The following KLF17 variants were observed in gnomAD, a reference collection of about 807,000 sequenced individuals.
KLF17 encodes Krueppel-like factor 17.
A neutral mutation model predicts 34.2 loss-of-function variants in KLF17; 31 were observed. The ratio of observed to expected loss-of-function variants is 0.91; its 90% confidence interval spans 0.68 to 1.22. The LOEUF is 1.22. KLF17 is among the 50% of genes most tolerant of loss of function. The pLI, the probability that KLF17 is intolerant of heterozygous loss-of-function variation, is 0.00. For synonymous variants in KLF17, 179 were observed against 186.7 expected, an observed-to-expected ratio of 0.96 and a Z score of 0.34; for missense variants, 478 against 505.2, an observed-to-expected ratio of 0.95 and a Z score of 0.52.
the KLF17 span, among the ~76,000 whole-genome samples, chr1:44,068,820 G>A: frequency 1.9e-4 from 29 of 152,316 alleles, no homozygotes; most frequent in African/African-American, 7.0e-4. Flanking sequence ...CCCCAAGCTA[G>A]GCAGAAAATG....
chr1:44,046,743 G>A, the KLF17 span, among the ~76,000 whole-genome samples: 1 of 152,150 alleles, frequency 6.6e-6, no homozygotes, highest in African/African-American at 2.4e-5. Flanking sequence ...ATTCTTAGCT[G>A]GGTACAGTGG....
chr1:44,054,866 GC>G, the KLF17 span, among the ~76,000 whole-genome samples: 1 of 144,834 alleles, frequency 6.9e-6, no homozygotes, highest in East Asian at 2.0e-4. Context: ...TGCAACCTCT[GC>G]CTCCTGGGTT....
upstream of KLF17, chr1:44,117,431 TTTTTATTTATTTTATTTTATTTTATTTTA>T (rs1480179002): frequency 1.5e-5 from 2 of 131,328 alleles, no homozygotes; most frequent in Admixed American, 8.1e-5. Flanking sequence ...GACAGCTCCT[TTTTTATTTATTTTATTTTATTTTATTTTA>T]TTTTATTTAT....
the KLF17 span, among the ~76,000 whole-genome samples, chr1:44,067,042 G>A: frequency 6.6e-6 from 1 of 152,064 alleles, no homozygotes; most frequent in Non-Finnish European, 1.5e-5. Context: ...CTAAGTGATC[G>A]ATAACATTTA....
At chr1:44,086,191 G>T in the KLF17 span, among the ~76,000 whole-genome samples, 1 of 152,152 alleles carries the variant, frequency 6.6e-6, no homozygotes, top group Admixed American at 6.5e-5. Context: ...AGACGGTGGG[G>T]CGTGGTGGCT....
At chr1:44,058,708 G>T in the KLF17 span, among the ~76,000 whole-genome samples, 1 of 110,754 alleles carries the variant, frequency 9.0e-6, no homozygotes, top group Non-Finnish European at 1.7e-5. Context: ...TTTTTTTCCC[G>T]AGACGGAGTC....
the KLF17 span, among the ~76,000 whole-genome samples, chr1:44,109,803 T>C: frequency 6.6e-6 from 1 of 151,994 alleles, no homozygotes; most frequent in Non-Finnish European, 1.5e-5. Context: ...CATGGAGAAC[T>C]ATCTATTATA....
At chr1:44,117,995 G>C (rs780029108), upstream of KLF17, among the ~76,000 whole-genome samples, 17 of 152,062 alleles carry the variant, frequency 1.1e-4, no homozygotes, top group Non-Finnish European at 2.1e-4. Context: ...CTCTGTCCTC[G>C]TGTCACTGTC....
chr1:44,069,512 G>GAGAGAGAGAGAGA, the KLF17 span, among the ~76,000 whole-genome samples: 156 of 114,544 alleles, frequency 1.4e-3, no homozygotes, highest in Admixed American at 3.0e-3. The surrounding 1 kb of genome is among the most constrained non-coding windows in gnomAD (Gnocchi z 4.7). Context: ...GAGAGAGAGA[G>GAGAGAGAGAGAGA]AAGACAGGAG....
At chr1:44,114,126 A>T (rs1571979198), upstream of KLF17, 1 of 152,376 alleles carries the variant, frequency 6.6e-6, no homozygotes, top group Non-Finnish European at 1.5e-5. Flanking sequence ...GCTCCAAATT[A>T]AAAGGCTGAA....
At chr1:44,130,224 A>T in intron 2 of KLF17, 28 bp downstream of exon 2, 1 of 1,583,606 alleles carries the variant, frequency 6.3e-7, no homozygotes, top group Non-Finnish European at 8.6e-7. Flanking sequence ...TGGGGTGGGG[A>T]TGGAGGAGTC....
At chr1:44,079,177 G>T in the KLF17 span, among the ~76,000 whole-genome samples, 1 of 151,488 alleles carries the variant, frequency 6.6e-6, no homozygotes. Context: ...CCTTTCCTTG[G>T]TACTCTGCCT....
At chr1:44,046,643 T>A in the KLF17 span, among the ~76,000 whole-genome samples, 1 of 152,152 alleles carries the variant, frequency 6.6e-6, no homozygotes, top group Non-Finnish European at 1.5e-5. Flanking sequence ...GAAATGGATG[T>A]GCAGAGGTTA....
the KLF17 span, among the ~76,000 whole-genome samples, chr1:44,045,661 C>G: frequency 5.3e-5 from 8 of 152,184 alleles, no homozygotes; most frequent in African/African-American, 1.9e-4. Flanking sequence ...GTTGCCAGCA[C>G]CCACTGCCCA....
At chr1:44,067,593 G>T in the KLF17 span, among the ~76,000 whole-genome samples, 605 of 152,348 alleles carry the variant, frequency 4.0e-3, 3 homozygotes, top group Middle Eastern at 0.014. Context: ...GAGCACTGGA[G>T]CATAAATTAT....
the KLF17 span, chr1:44,104,239 A>G: frequency 4.8e-6 from 6 of 1,247,334 alleles, no homozygotes; most frequent in South Asian, 6.0e-5. Flanking sequence ...TCATCCTCGT[A>G]CTTGTTCTTG....
chr1:44,126,676 T>A (rs1318977625), intron 1 of KLF17, among the ~76,000 whole-genome samples: 2 of 152,062 alleles, frequency 1.3e-5, no homozygotes, highest in African/African-American at 4.8e-5. Context: ...AATGTACCAG[T>A]CTCCCTTAAA....
chr1:44,049,543 C>CACG, the KLF17 span, among the ~76,000 whole-genome samples: 3 of 152,228 alleles, frequency 2.0e-5, no homozygotes, highest in African/African-American at 7.2e-5. Context: ...AGTGCAGTAG[C>CACG]ACGATCTCAG....
chr1:44,099,901 GAAAGAAAGAAAGAAAGAA>G, the KLF17 span, among the ~76,000 whole-genome samples: 3 of 69,408 alleles, frequency 4.3e-5, no homozygotes, highest in Non-Finnish European at 9.2e-5. Flanking sequence ...AAGAAAGAAA[GAAAGAAAGAAAGAAAGAA>G]AAGAAAGGGA....
Sources: allele counts gnomAD v4.1 joint callset (sites outside exome capture counted in the v4.1 genomes callset), GRCh38; gene constraint gnomAD v4.1.1; non-coding constraint Gnocchi (gnomAD v3.1); transcripts MANE v1.5; gene names NCBI Gene and HGNC (gene_info 2026-07-23, HGNC 2026-07-21).